The following CRK variants were observed in gnomAD, a reference collection of about 807,000 sequenced individuals.
The protein encoded by CRK is CRK proto-oncogene, adaptor protein.
CRK carries 4 observed loss-of-function variants against 29.8 expected under a neutral mutation model. That is an observed-to-expected ratio of 0.13 (90% CI 0.07 to 0.31). The LOEUF (loss-of-function observed/expected upper bound fraction) is 0.31. CRK is among the 10% of genes least tolerant of loss of function. CRK has a pLI of 1.00. For missense variants in CRK, 274 were observed against 396.5 expected (o/e 0.69, Z 2.62); for synonymous variants, 153 against 164.9 (o/e 0.93, Z 0.55).
intron 2 of CRK, chr17:1,424,649 A>G (rs2073759683): frequency 6.6e-6 from 1 of 152,144 alleles, no homozygotes; most frequent in Non-Finnish European, 1.5e-5. Context: ...AAATCCCACC[A>G]TCGGACAGAC....
At position 1,456,194 on chromosome 17, in the gene CRK, G is replaced by C. The variant is rs1425404523; in HGVS notation, c.-77C>G. On this transcript the variant is annotated 5_prime_UTR_variant, in exon 1 of 3. Transcript: ENST00000300574. ...GGCCCCCGGCGCCCGCCGCCCAGCG[G>C]ACCGGCTCCGGTTTCAGCTTCACAG... 7.4e-7 allele frequency: 1 copy of C among 1,355,460 alleles called. No homozygotes were observed. Among genetic ancestry groups the C allele is most frequent in the South Asian group, 1.9e-5 (1 of 52,598 alleles). The allele number at this position is 1,355,460 out of a possible 1,614,324, so 84.0% of individuals were successfully genotyped here. A position where few individuals can be genotyped will look rare whatever the true frequency, so the allele number is the denominator to read the frequency against.
intron 2 of CRK, among the ~76,000 whole-genome samples, chr17:1,432,668 T>C (rs570826093): frequency 2.7e-5 from 4 of 150,164 alleles, no homozygotes; most frequent in African/African-American, 4.9e-5. Context: ...TCCCAGCTAC[T>C]TGGGGGGCTG....
intron 1 of CRK, among the ~76,000 whole-genome samples, chr17:1,447,240 C>G (rs1388264037): frequency 2.6e-5 from 4 of 152,144 alleles, no homozygotes; most frequent in Admixed American, 1.3e-4. Flanking sequence ...GTCAGCCAGT[C>G]TAGAGAACAG....
chr17:1,441,296 C>T (rs537646245), intron 1 of CRK, among the ~76,000 whole-genome samples: 20 of 152,088 alleles, frequency 1.3e-4, no homozygotes, highest in East Asian at 3.9e-4. Flanking sequence ...CTGGGTCCAG[C>T]GATCCTCTCA....
chr17:1,433,825 GTTT>G (rs56071119), intron 2 of CRK, among the ~76,000 whole-genome samples: 12,776 of 127,262 alleles, frequency 0.1, 804 homozygotes, highest in African/African-American at 0.19. Flanking sequence ...AGCATGTATG[GTTT>G]TTTTTTTTTT....
At chr17:1,455,188 A>C (rs2074046370) in intron 1 of CRK, among the ~76,000 whole-genome samples, 1 of 152,168 alleles carries the variant, frequency 6.6e-6, no homozygotes, top group South Asian at 2.1e-4. Context: ...GGACGCTTAG[A>C]TCTCTTGCAC....
At chr17:1,440,342 C>T (rs1273589154) in intron 1 of CRK, among the ~76,000 whole-genome samples, 1 of 148,828 alleles carries the variant, frequency 6.7e-6, no homozygotes, top group Non-Finnish European at 1.5e-5. Flanking sequence ...TGCATGCCTG[C>T]AGTTGCAGCT....
intron 1 of CRK, among the ~76,000 whole-genome samples, chr17:1,450,722 A>T (rs1188966844): frequency 6.6e-6 from 1 of 151,996 alleles, no homozygotes; most frequent in Non-Finnish European, 1.5e-5. Flanking sequence ...CGTCTGTACT[A>T]AAAATACAAA....
At chr17:1,445,469 G>A (rs1016314971) in intron 1 of CRK, among the ~76,000 whole-genome samples, 6 of 152,200 alleles carry the variant, frequency 3.9e-5, no homozygotes, top group Non-Finnish European at 1.5e-5. Context: ...TGCACCAATA[G>A]AAGATGATCG....
At chr17:1,450,678 G>C (rs1366799664) in intron 1 of CRK, among the ~76,000 whole-genome samples, 1 of 151,600 alleles carries the variant, frequency 6.6e-6, no homozygotes, top group African/African-American at 2.4e-5. Flanking sequence ...GAGGCCAGGA[G>C]TTCAAGACCA....
At chr17:1,454,598 T>C (rs967097309) in intron 1 of CRK, among the ~76,000 whole-genome samples, 3 of 152,120 alleles carry the variant, frequency 2.0e-5, no homozygotes, top group Non-Finnish European at 2.9e-5. Context: ...AGCGAGTAAA[T>C]CTAAATTAGA....
At chr17:1,451,587 T>G (rs537771075) in intron 1 of CRK, among the ~76,000 whole-genome samples, 9 of 152,214 alleles carry the variant, frequency 5.9e-5, no homozygotes, top group South Asian at 4.1e-4. Context: ...GATGCGGCTG[T>G]ATGTGCCTGT....
In CRK at chr17:1,439,319, G is replaced by C. The variant is rs1024963682; in HGVS notation, c.242-2164C>G. Among the ~76,000 whole-genome samples the C allele has an allele frequency of 3.3e-5, 5 of 152,014 alleles. No individual in the cohort carries two copies. In the South Asian group the frequency reaches 8.3e-4, roughly 25 times the overall value. On this transcript the variant is annotated intron_variant, in intron 1 of 2. Coordinates refer to ENST00000300574, the MANE Select transcript of CRK (RefSeq NM_016823.4). ...TTACCGTGTTAGCCAGGATGGTCTC[G>C]ATCTCCTGACCTAGTGATCCACCCG...
At chr17:1,450,926 C>T (rs1199547111) in intron 1 of CRK, among the ~76,000 whole-genome samples, 10 of 151,910 alleles carry the variant, frequency 6.6e-5, no homozygotes, top group African/African-American at 2.4e-4. Flanking sequence ...GGCGCGGTGG[C>T]TCACACCTGT....
chr17:1,444,590 C>T (rs1351703839), intron 1 of CRK, among the ~76,000 whole-genome samples: 1 of 70,910 alleles, frequency 1.4e-5, no homozygotes, highest in Non-Finnish European at 2.6e-5. Context: ...TTTGGGAAGC[C>T]GAAGCGGGGG....
chr17:1,428,265 CCCG>C (rs1357131408), intron 2 of CRK, among the ~76,000 whole-genome samples: 62 of 143,420 alleles, frequency 4.3e-4, no homozygotes, highest in African/African-American at 1.6e-3. Flanking sequence ...ACTACAGGCG[CCCG>C]CCACCACGCC....
rs77953457 is a variant in CRK, at chr17:1,449,256, C to T, written c.241+6621G>A. 3.7e-3 allele frequency among the ~76,000 whole-genome samples: 559 copies of T among 152,252 alleles called. 22 individuals carry two copies. The East Asian group carries it at 0.091, about 25-fold the overall frequency. On this transcript the variant is annotated intron_variant, in intron 1 of 2. Coordinates refer to ENST00000300574, the MANE Select transcript of CRK (RefSeq NM_016823.4). ...TGGACCCGAGGTCCTTTCACACTTA[C>T]GGATGCACTCCACCCAGGCACCTAC...
rs771019679 is a variant in CRK at position 1,437,171 on chromosome 17, C to A, written c.242-16G>T. 6.4e-7 allele frequency: 1 copy of A among 1,571,658 alleles called. No homozygotes were observed. On this transcript the variant is annotated splice_polypyrimidine_tract_variant and intron_variant, in intron 1 of 2. Transcript: ENST00000300574. ...GGGCTCACCCCTGGAAAAAACAGAG[C>A]AGGCTGTTATTTAATGATGTACTAC...
At chr17:1,452,432 G>T (rs1403597658) in intron 1 of CRK, among the ~76,000 whole-genome samples, 1 of 152,100 alleles carries the variant, frequency 6.6e-6, no homozygotes, top group Non-Finnish European at 1.5e-5. Context: ...ACTTGGTGAG[G>T]GGGAGAACAA....
Sources: gnomAD v4.1 joint callset for allele counts (sites outside exome capture counted in the v4.1 genomes callset) on GRCh38, gnomAD v4.1.1 for gene constraint, MANE v1.5 for transcripts, NCBI Gene and HGNC (gene_info 2026-07-23, HGNC 2026-07-21) for gene names.